The following RIPOR1 variants were observed in gnomAD, a reference collection of about 807,000 sequenced individuals.
RIPOR1 encodes the protein rho family-interacting cell polarization regulator 1.
A neutral mutation model predicts 116.5 loss-of-function variants in RIPOR1; 58 were observed. The ratio of observed to expected loss-of-function variants is 0.50; its 90% CI spans 0.40 to 0.62. The LOEUF (loss-of-function observed/expected upper bound fraction) is 0.62, where lower values mean the gene tolerates loss of function less well. RIPOR1 is among the 20% of genes least tolerant of loss of function. RIPOR1 has a pLI of 0.00. For missense variants in RIPOR1, 1,372 were observed against 1,586.2 expected (o/e 0.86, Z 2.29); for synonymous variants, 605 against 650.0 (o/e 0.93, Z 1.05).
rs560970042 is a variant in RIPOR1, at chr16:67,538,668, T to C, written c.105-4T>C. On this transcript the variant is annotated splice_region_variant and splice_polypyrimidine_tract_variant and intron_variant, in intron 2 of 21. Transcript: ENST00000042381. ...CCTCTTTCTGAGGACAGCCTCTCCTTCAGGAGTTTCCCGGTCTTCAGCCCG... is the reference window on the plus strand; with the variant it reads ...CCTCTTTCTGAGGACAGCCTCTCCTCCAGGAGTTTCCCGGTCTTCAGCCCG... The C allele has an allele frequency of 8.1e-6, 13 of 1,612,574 alleles. No homozygotes were observed. The Admixed American group carries it at 2.0e-4, about 25-fold the overall frequency.
intron 1 of RIPOR1, among the ~76,000 whole-genome samples, chr16:67,523,420 GGAGGCT>G (rs375721714): frequency 6.6e-6 from 1 of 150,716 alleles, no homozygotes; most frequent in South Asian, 2.1e-4. Flanking sequence ...CAGCTACTCG[GGAGGCT>G]GAGGCATGAG....
chr16:67,542,582 C>T lies in RIPOR1; in HGVS notation c.1796C>T (p.Thr599Ile), dbSNP rs1214762599. ...ATCATAGGCCCAGTCCAGACTACCA[C>T]AAGCCCCACCCACACTATGCCAAGC... ...LNIIGPVQTT[T>I]SPTHTMPSPT... The change falls in exon 13 of 22, where the codon ACA becomes ATA. Residue 599 changes from threonine (T) to isoleucine (I), a missense_variant. By Grantham distance (89) the Thr-to-Ile change is moderately conservative. Around this residue, in one of 3 missense-constraint regions of RIPOR1, gnomAD observed 1,005 missense variants for 1,144.7 expected, o/e 0.88. Coordinates refer to ENST00000042381, the MANE Select transcript of RIPOR1 (RefSeq NM_024519.4). This position sits in a 1 kb window ranked among gnomAD's most constrained non-coding sequence, Gnocchi z 4.6. 7 of 1,613,978 alleles carry T rather than the reference C, an allele frequency of 4.3e-6. No homozygotes were observed. Among genetic ancestry groups the T allele is most frequent in the Non-Finnish European group, 5.1e-6 (6 of 1,179,964 alleles).
At chr16:67,527,317 G>A (rs796490716), upstream of RIPOR1, among the ~76,000 whole-genome samples, 3 of 151,788 alleles carry the variant, frequency 2.0e-5, no homozygotes, top group East Asian at 1.9e-4. Context: ...ATTAGAAGGC[G>A]GAGGTTGCAG....
At chr16:67,523,055 C>T (rs2050508051) in intron 1 of RIPOR1, among the ~76,000 whole-genome samples, 2 of 152,196 alleles carry the variant, frequency 1.3e-5, no homozygotes, top group Admixed American at 1.3e-4. Flanking sequence ...TTGTCAGTCT[C>T]CTTTGGCAGA....
intron 1 of RIPOR1, among the ~76,000 whole-genome samples, chr16:67,519,223 T>C (rs553168041): frequency 3.4e-5 from 5 of 148,110 alleles, no homozygotes; most frequent in African/African-American, 1.3e-4. Context: ...GAGGTTGCAG[T>C]GAGTGGAGAT....
At chr16:67,523,472 G>A (rs1197573774) in intron 1 of RIPOR1, among the ~76,000 whole-genome samples, 1 of 135,166 alleles carries the variant, frequency 7.4e-6, no homozygotes, top group Non-Finnish European at 1.5e-5. Flanking sequence ...GTTGCAGTGA[G>A]CCGAGATCGC....
At chr16:67,519,291 A>AC (rs2050473741) in intron 1 of RIPOR1, among the ~76,000 whole-genome samples, 1 of 151,854 alleles carries the variant, frequency 6.6e-6, no homozygotes, top group African/African-American at 2.4e-5. Flanking sequence ...AAAAAAAAAA[A>AC]AAAACACTTC....
At chr16:67,522,953 C>G (rs2050507328) in intron 1 of RIPOR1, among the ~76,000 whole-genome samples, 1 of 152,162 alleles carries the variant, frequency 6.6e-6, no homozygotes, top group Admixed American at 6.5e-5. Flanking sequence ...CTCAGCCCCA[C>G]CACTCCAAAC....
At chr16:67,518,490 G>A (rs2050467098) in exon 1 of RIPOR1, 4 of 152,354 alleles carry the variant, frequency 2.6e-5, no homozygotes. Flanking sequence ...CTGGGCTGGT[G>A]GCTGCCATCC....
chr16:67,536,475 A>C (rs569719100), intron 1 of RIPOR1, among the ~76,000 whole-genome samples: 1 of 152,212 alleles, frequency 6.6e-6, no homozygotes, highest in Non-Finnish European at 1.5e-5. Context: ...CAGGATGGGA[A>C]CGCAGAACCT....
intron 1 of RIPOR1, among the ~76,000 whole-genome samples, chr16:67,533,156 A>T (rs2050705039): frequency 6.6e-6 from 1 of 152,124 alleles, no homozygotes. Context: ...CGGGGTACAT[A>T]GATGGTGGAG....
rs753762445 is a variant in RIPOR1, at chr16:67,545,723, T to C, written c.3250T>C (p.Leu1084=). The C allele has an allele frequency of 4.0e-5, 64 of 1,598,538 alleles. No individual in the cohort carries two copies. The highest frequency in any genetic ancestry group is 2.6e-4 in the Admixed American group (15 of 57,168). The change falls in exon 19 of 22, where the codon TTG becomes CTG. Residue 1084 remains leucine, a synonymous_variant. Transcript: ENST00000042381. The surrounding 1 kb of genome is among the most constrained non-coding windows in gnomAD (Gnocchi z 4.8). The part of the protein sequence containing the change: ...DQAVVLKALR[L]APEGRLRRDG... ...GGCTGTTGTGCTGAAGGCCCTGAGA[T>C]TGGCGCCCGAGGGGCGTCTGCGAAG...
At position 67,545,573 on chromosome 16, in the gene RIPOR1, G is replaced by A; in HGVS notation, c.3190+39G>A. 6.2e-7 allele frequency: 1 copy of A among 1,609,226 alleles called. No individual in the cohort carries two copies. Among genetic ancestry groups the A allele is most frequent in the Non-Finnish European group, 8.5e-7 (1 of 1,176,842 alleles). Reference sequence around the variant, plus strand: ...CCTGATCACATAGTGGCCTCTTGGGGTCTGAGGACATGAGGACAAGCCCTC... The same window carrying A: ...CCTGATCACATAGTGGCCTCTTGGGATCTGAGGACATGAGGACAAGCCCTC... On this transcript the variant is annotated intron_variant, in intron 18 of 21. Coordinates refer to ENST00000042381, the MANE Select transcript of RIPOR1 (RefSeq NM_024519.4). This position sits in a 1 kb window ranked among gnomAD's most constrained non-coding sequence, Gnocchi z 4.8.
chr16:67,520,004 G>A lies in RIPOR1; in HGVS notation c.-24+1391G>A, dbSNP rs1218822415. On this transcript the variant is annotated intron_variant, in intron 1 of 1. Coordinates refer to the RIPOR1 transcript ENST00000562116. ...TTGAACCTGGGAGGCAGAGGTTGCA[G>A]TGAGCCGAGATGGCGCCATTGAACT... Among the ~76,000 whole-genome samples the A allele has an allele frequency of 2.0e-5, 3 of 146,826 alleles. No individual in the cohort carries two copies. In the Admixed American group the frequency reaches 2.1e-4, roughly 10 times the overall value.
rs957268903 is a variant in RIPOR1, at chr16:67,531,122, G to A, written c.-24+2208G>A. On this transcript the variant is annotated intron_variant, in intron 1 of 21. Transcript: ENST00000042381. This position sits in a 1 kb window ranked among gnomAD's most constrained non-coding sequence, Gnocchi z 4.2. ...GGTTTCCAAGTCCAGAATCCCAGGG[G>A]ATCCCCACCCTGCACCATCCCAGGG... Among the ~76,000 whole-genome samples, 1 of 152,032 alleles carries A rather than the reference G, an allele frequency of 6.6e-6. No individual in the cohort carries two copies. The highest frequency in any genetic ancestry group is 2.4e-5 in the African/African-American group (1 of 41,372).
chr16:67,529,554 G>C lies in RIPOR1; in HGVS notation c.-24+640G>C, dbSNP rs35227444. ...AACAGCCGGGCCTGGGCTCTCTGCAGAACTGGTTTGGGCAAGGGGCTGCTC... is the reference window on the plus strand; with the variant it reads ...AACAGCCGGGCCTGGGCTCTCTGCACAACTGGTTTGGGCAAGGGGCTGCTC... On this transcript the variant is annotated intron_variant, in intron 1 of 21. Coordinates refer to ENST00000042381, the MANE Select transcript of RIPOR1 (RefSeq NM_024519.4). This position sits in a 1 kb window ranked among gnomAD's most constrained non-coding sequence, Gnocchi z 4.1. 755 of 528,608 alleles carry C rather than the reference G, an allele frequency of 1.4e-3. 4 individuals carry two copies. The highest frequency in any genetic ancestry group is 0.013 in the African/African-American group (693 of 51,664). 32.7% of individuals were successfully genotyped at this position (528,608 alleles called of 1,614,324 possible). A position where few individuals can be genotyped will look rare whatever the true frequency, so the allele number is the denominator to read the frequency against.
Position 67,543,817 on chromosome 16 carries a change from C to T in RIPOR1, c.2600+348C>T, listed in dbSNP as rs1283864069. On this transcript the variant is annotated intron_variant, in intron 14 of 21. Transcript: ENST00000042381. The surrounding 1 kb of genome is among the most constrained non-coding windows in gnomAD (Gnocchi z 4.7). Reference sequence around the variant, plus strand: ...TTGGACCTGCCCTTTAAGGAGCTCTCTCAGTGTCTCGCCGTGCACCCTGGG... The same window carrying T: ...TTGGACCTGCCCTTTAAGGAGCTCTTTCAGTGTCTCGCCGTGCACCCTGGG... The T allele has an allele frequency of 9.9e-6, 4 of 403,048 alleles. No homozygotes were observed. The highest frequency in any genetic ancestry group is 3.7e-5 in the Admixed American group (1 of 26,928). The allele number at this position is 403,048 out of a possible 1,614,324, so 25.0% of individuals were successfully genotyped here.
chr16:67,540,647 G>A lies in RIPOR1; in HGVS notation c.744G>A (p.Val248=). 2 of 1,613,504 alleles carry A rather than the reference G, an allele frequency of 1.2e-6. No individual in the cohort carries two copies. Among genetic ancestry groups the A allele is most frequent in the African/African-American group, 1.3e-5 (1 of 75,022 alleles). Residue 248 remains valine, a synonymous_variant, in exon 10 of 22, where the codon GTG becomes GTA. Coordinates refer to ENST00000042381, the MANE Select transcript of RIPOR1 (RefSeq NM_024519.4). This position sits in a 1 kb window ranked among gnomAD's most constrained non-coding sequence, Gnocchi z 4.7. ...RGRIEGSGKQ[V]WDSEETIFLP... ...GAATTGAGGGTAGTGGAAAGCAGGT[G>A]TGGGACAGTGAAGAAACCATCTTTC...
chr16:67,532,293 A>G (rs1302807814), intron 1 of RIPOR1, among the ~76,000 whole-genome samples: 1 of 152,078 alleles, frequency 6.6e-6, no homozygotes, highest in East Asian at 1.9e-4. Context: ...GGTTCCAGCT[A>G]CTTAAGAGGC....
Sources: gnomAD v4.1 joint callset for allele counts (sites outside exome capture counted in the v4.1 genomes callset) on GRCh38, gnomAD v4.1.1 for gene constraint, gnomAD v4.1.1 regional missense constraint, Gnocchi (gnomAD v3.1) non-coding constraint, MANE v1.5 for transcripts, NCBI Gene and HGNC (gene_info 2026-07-23, HGNC 2026-07-21) for gene names.